The following VPS13C variants were observed in gnomAD, a reference collection of about 807,000 sequenced individuals.
VPS13C encodes intermembrane lipid transfer protein VPS13C.
Under a neutral mutation model 456.8 loss-of-function variants are expected in VPS13C, and 358 were observed. That is an observed-to-expected ratio of 0.78 (90% CI 0.72 to 0.86). The LOEUF (loss-of-function observed/expected upper bound fraction) is 0.86. Among genes scored for constraint, VPS13C ranks in the 40% least tolerant of loss-of-function variants. The pLI is 0.00. For missense variants in VPS13C, 4,818 were observed against 4,385.4 expected (o/e 1.10, Z -2.79); for synonymous variants, 1,578 against 1,486.7 (o/e 1.06, Z -1.41).
chr15:61,895,144 A>C (rs182496187), intron 66 of VPS13C, among the ~76,000 whole-genome samples: 146 of 152,292 alleles, frequency 9.6e-4, no homozygotes, highest in African/African-American at 2.9e-3. Flanking sequence ...GAAGGAAATA[A>C]AAAATTTTCT....
chr15:62,034,898 A>G (rs2047936915), intron 4 of VPS13C, 59 bp downstream of exon 4: 5 of 1,156,920 alleles, frequency 4.3e-6, no homozygotes, highest in Admixed American at 4.4e-5. Flanking sequence ...TACTTAACTC[A>G]GATAACAATT....
chr15:62,016,505 A>T (rs887737611), intron 9 of VPS13C, among the ~76,000 whole-genome samples: 2 of 143,080 alleles, frequency 1.4e-5, no homozygotes, highest in African/African-American at 5.2e-5. Flanking sequence ...CCCACCTATG[A>T]GTGAGAACAT....
At chr15:61,939,410 G>C (rs1002219876) in intron 47 of VPS13C, among the ~76,000 whole-genome samples, 2 of 152,116 alleles carry the variant, frequency 1.3e-5, no homozygotes, top group African/African-American at 4.8e-5. Context: ...TCTACAACAA[G>C]CTTCAATTTT....
intron 16 of VPS13C, among the ~76,000 whole-genome samples, chr15:61,998,542 G>C (rs1370757884): frequency 6.6e-6 from 1 of 152,118 alleles, no homozygotes; most frequent in Non-Finnish European, 1.5e-5. Flanking sequence ...TAAGACATAG[G>C]TACTACTAAT....
At chr15:61,857,033 AG>A (rs1893954340) in intron 82 of VPS13C, among the ~76,000 whole-genome samples, 2 of 152,148 alleles carry the variant, frequency 1.3e-5, no homozygotes, top group African/African-American at 4.8e-5. Flanking sequence ...GAACCCTTAA[AG>A]GGCATCCACA....
At chr15:61,989,388 C>T (rs1289876000) in intron 18 of VPS13C, among the ~76,000 whole-genome samples, 2 of 151,736 alleles carry the variant, frequency 1.3e-5, no homozygotes, top group Non-Finnish European at 2.9e-5. Context: ...GAGAGTAAGA[C>T]CCTGTCTCAA....
intron 16 of VPS13C, among the ~76,000 whole-genome samples, chr15:62,000,251 A>G (rs779111817): frequency 1.3e-5 from 2 of 152,118 alleles, no homozygotes; most frequent in Non-Finnish European, 1.5e-5. Context: ...CTATGATCCC[A>G]GCTCTCAGGA....
chr15:61,941,606 G>A (rs901136135), intron 46 of VPS13C, among the ~76,000 whole-genome samples, 157 bp downstream of exon 46: 7 of 152,216 alleles, frequency 4.6e-5, no homozygotes, highest in African/African-American at 1.7e-4. Context: ...ATACATGACT[G>A]TTTAACCACT....
At chr15:62,011,071 T>G (rs182892976) in intron 12 of VPS13C, among the ~76,000 whole-genome samples, 17 of 152,272 alleles carry the variant, frequency 1.1e-4, no homozygotes, top group Non-Finnish European at 2.1e-4. Flanking sequence ...ACCACTTTAT[T>G]ATTGTCAAAA....
intron 49 of VPS13C, among the ~76,000 whole-genome samples, chr15:61,932,206 C>T (rs2044082587): frequency 6.6e-6 from 1 of 151,990 alleles, no homozygotes; most frequent in African/African-American, 2.4e-5. Context: ...GGGGAAAATT[C>T]ATAAAGAAGG....
chr15:62,038,249 T>A (rs1209146972), intron 3 of VPS13C, among the ~76,000 whole-genome samples: 3 of 152,078 alleles, frequency 2.0e-5, no homozygotes, highest in Non-Finnish European at 4.4e-5. Context: ...ACAAAGACCC[T>A]AAAAGCAAAT....
At position 61,922,024 on chromosome 15, in the gene VPS13C, A is replaced by G; in HGVS notation, c.6985T>C (p.Tyr2329His). 6.2e-7 allele frequency: 1 copy of G among 1,613,550 alleles called. No individual in the cohort carries two copies. The highest frequency in any genetic ancestry group is 2.2e-5 in the East Asian group (1 of 44,842). The change falls in exon 55 of 85, where the codon TAC becomes CAC. Residue 2329 changes from tyrosine to histidine, a missense_variant. Tyr to His is a moderately conservative substitution (Grantham distance 83, BLOSUM62 2). Transcript: ENST00000644861. ...TCCCAGACAGCATGGATCTCATTGT[A>G]ATAGTGCACCTGGAAAGATACACAC... ...VADVTLQVHY[Y>H]NEIHAVWEPL...
At chr15:62,049,318 A>G (rs1489324449) in intron 1 of VPS13C, among the ~76,000 whole-genome samples, 3 of 152,220 alleles carry the variant, frequency 2.0e-5, no homozygotes, top group African/African-American at 7.2e-5. Flanking sequence ...AGCTTTCTAC[A>G]TATGGCTAGC....
rs765573936 is a variant in VPS13C, at chr15:62,044,213, A to C, written c.143T>G (p.Leu48Arg). Residue 48 changes from leucine to arginine, a missense_variant and splice_region_variant, in exon 2 of 85, where the codon CTG becomes CGG. By Grantham distance (102) the Leu-to-Arg change is moderately radical (BLOSUM62 -2). This residue lies in a region of VPS13C where 4,552 missense variants were observed against 4,130.6 expected (regional missense o/e 1.10). Transcript: ENST00000644861. ...TAGCATAGTTTAAAAAAAACTTACC[A>C]GGGCATTTTCTTTTATCTGTAGATT... ...LDNLQIKENALSELDVPFKVK... is the reference protein window; with the variant it reads ...LDNLQIKENARSELDVPFKVK... 13 of 1,485,488 alleles carry C rather than the reference A, an allele frequency of 8.8e-6. No homozygotes were observed. The allele number at this position is 1,485,488 out of a possible 1,614,324, so 92.0% of individuals were successfully genotyped here.
chr15:61,917,174 GCA>G (rs2043498736), intron 60 of VPS13C, among the ~76,000 whole-genome samples, 165 bp downstream of exon 60: 1 of 152,108 alleles, frequency 6.6e-6, no homozygotes, highest in South Asian at 2.1e-4. Flanking sequence ...GCAGTTCCTG[GCA>G]CATAGTAAAT....
rs565296992 is a variant in VPS13C, at chr15:62,059,521, A to C, written c.100+754T>G. On this transcript the variant is annotated intron_variant, in intron 1 of 84. Coordinates refer to ENST00000644861, the MANE Select transcript of VPS13C (RefSeq NM_020821.3). ...ATTTCCTGAATACTTTTATACACTT[A>C]ATCTCCAGGATAAAAACGTTGGCAT... Among the ~76,000 whole-genome samples the C allele has an allele frequency of 4.6e-5, 7 of 152,310 alleles. No individual in the cohort carries two copies. The East Asian group carries it at 9.6e-4, about 21-fold the overall frequency.
At chr15:61,962,115 T>A (rs1338665696) in intron 34 of VPS13C, among the ~76,000 whole-genome samples, 1 of 151,988 alleles carries the variant, frequency 6.6e-6, no homozygotes, top group Non-Finnish European at 1.5e-5. Context: ...CAGAGAAAAA[T>A]TTTTTTCCAA....
At position 62,027,233 on chromosome 15, in the gene VPS13C, G is replaced by A. The variant is rs72749754; in HGVS notation, c.448+1125C>T. Reference sequence around the variant, plus strand: ...TTCTGGACCTCATTTTTTTATCTACGTTAATATACCTTTAAAAAAAAACTG... The same window carrying A: ...TTCTGGACCTCATTTTTTTATCTACATTAATATACCTTTAAAAAAAAACTG... On this transcript the variant is annotated intron_variant, in intron 6 of 84. Coordinates refer to ENST00000644861, the MANE Select transcript of VPS13C (RefSeq NM_020821.3). Among the ~76,000 whole-genome samples, 23 of 151,794 alleles carry A rather than the reference G, an allele frequency of 1.5e-4. No homozygotes were observed. In the South Asian group the frequency reaches 2.9e-3, roughly 19 times the overall value.
chr15:61,951,861 A>G lies in VPS13C; in HGVS notation c.4419T>C (p.Tyr1473=). ...VKTYDMTAKA[Y]LKKISMQCFD... ...AGCACTGCATACTAATTTTTTTTAG[A>G]TAAGCTTTAGCAGTCATGTCATAGG... is the stretch of plus-strand genomic sequence containing the variant. The change falls in exon 39 of 85, where the codon TAT becomes TAC. Residue 1473 remains tyrosine, a synonymous_variant. Coordinates refer to ENST00000644861, the MANE Select transcript of VPS13C (RefSeq NM_020821.3). 1 of 1,612,534 alleles carries G rather than the reference A, an allele frequency of 6.2e-7. No individual in the cohort carries two copies. Among genetic ancestry groups the G allele is most frequent in the Non-Finnish European group, 8.5e-7 (1 of 1,179,392 alleles).
Sources: allele counts gnomAD v4.1 joint callset (sites outside exome capture counted in the v4.1 genomes callset), GRCh38; gene constraint gnomAD v4.1.1; regional missense constraint gnomAD v4.1.1; transcripts MANE v1.5; gene names NCBI Gene and HGNC (gene_info 2026-07-23, HGNC 2026-07-21).